Variants in MROH9 observed in about 807,000 individuals in gnomAD.
MROH9 encodes the protein maestro heat like repeat family member 9.
A neutral mutation model predicts 98.2 loss-of-function variants in MROH9; 92 were observed. The ratio of observed to expected loss-of-function variants is 0.94; its 90% confidence interval spans 0.79 to 1.11. MROH9 has a LOEUF of 1.11. Ranked by LOEUF, MROH9 falls within the 50% of genes most tolerant of loss-of-function variation. The pLI is 0.00. For synonymous variants in MROH9, 397 were observed against 368.9 expected, an observed-to-expected ratio of 1.08 and a Z score of -0.87; for missense variants, 1,057 against 1,014.8, an observed-to-expected ratio of 1.04 and a Z score of -0.57.
At chr1:170,959,153 A>T (rs1436918090) in intron 4 of MROH9, among the ~76,000 whole-genome samples, 6 of 152,062 alleles carry the variant, frequency 3.9e-5, no homozygotes, top group Non-Finnish European at 8.8e-5. Context: ...AGGCGGGCGG[A>T]TCATGAGGTC....
intron 20 of MROH9, among the ~76,000 whole-genome samples, chr1:171,027,030 G>T (rs191030509): frequency 6.6e-6 from 1 of 152,234 alleles, no homozygotes; most frequent in East Asian, 1.9e-4. Flanking sequence ...AGGAGTACAG[G>T]GTTGAGAAAT....
chr1:170,999,177 C>T (rs1651697523), intron 15 of MROH9, among the ~76,000 whole-genome samples: 1 of 137,478 alleles, frequency 7.3e-6, no homozygotes, highest in Non-Finnish European at 1.5e-5. Flanking sequence ...TCTTTTTTTT[C>T]CCCATAAGTT....
chr1:170,940,996 A>T (rs1222704529), intron 1 of MROH9, among the ~76,000 whole-genome samples: 1 of 152,188 alleles, frequency 6.6e-6, no homozygotes, highest in African/African-American at 2.4e-5. Context: ...AAATAACATC[A>T]GTTATAACAA....
At chr1:171,059,035 C>T (rs1438084380) in intron 20 of MROH9, among the ~76,000 whole-genome samples, 7 of 152,186 alleles carry the variant, frequency 4.6e-5, no homozygotes, top group Non-Finnish European at 1.0e-4. Context: ...AAGAAACTAT[C>T]ATTAGGGTGA....
intron 8 of MROH9, among the ~76,000 whole-genome samples, chr1:170,975,526 G>A (rs1188644008): frequency 6.6e-6 from 1 of 152,042 alleles, no homozygotes; most frequent in African/African-American, 2.4e-5. Context: ...TACCCATTAG[G>A]TCCTTTCTCA....
At chr1:170,950,588 A>T (rs540546508) in intron 3 of MROH9, among the ~76,000 whole-genome samples, 21 of 152,256 alleles carry the variant, frequency 1.4e-4, no homozygotes, top group African/African-American at 5.1e-4. Flanking sequence ...GATTCTGGGG[A>T]TGGAAATTAG....
At chr1:171,051,884 T>C (rs1177742781) in intron 20 of MROH9, among the ~76,000 whole-genome samples, 3 of 152,226 alleles carry the variant, frequency 2.0e-5, no homozygotes, top group Admixed American at 1.3e-4. Flanking sequence ...TAGGGAGGGT[T>C]CCCTCCTCCA....
chr1:171,024,540 T>C lies in MROH9; in HGVS notation c.2054T>C (p.Val685Ala). 6.5e-7 allele frequency: 1 copy of C among 1,529,500 alleles called. No individual in the cohort carries two copies. Among genetic ancestry groups the C allele is most frequent in the Non-Finnish European group, 8.8e-7 (1 of 1,138,204 alleles). 94.7% of individuals were successfully genotyped at this position (1,529,500 alleles called of 1,614,324 possible). Residue 685 changes from valine (V) to alanine (A), a missense_variant, in exon 18 of 22, where the codon GTA (valine) becomes GCA (alanine). By Grantham distance (64) the Val-to-Ala change is moderately conservative. Coordinates refer to ENST00000367759, the MANE Select transcript of MROH9 (RefSeq NM_001163629.2). ...ILFLEDDDKR[V>A]AEACKYTLKI... ...TTTTTGGAGGATGATGATAAAAGAG[T>C]AGCTGAAGTAAGTCATTTGATCTTC...
chr1:171,015,735 A>G (rs1187462951), intron 16 of MROH9, among the ~76,000 whole-genome samples: 1 of 152,122 alleles, frequency 6.6e-6, no homozygotes, highest in East Asian at 1.9e-4. Flanking sequence ...GTCTGAAAAT[A>G]AGGCCAATTC....
chr1:171,019,187 A>G (rs1652428745), intron 17 of MROH9, among the ~76,000 whole-genome samples: 1 of 152,250 alleles, frequency 6.6e-6, no homozygotes, highest in South Asian at 2.1e-4. Context: ...AATTACATGG[A>G]AATTGAACAA....
intron 20 of MROH9, among the ~76,000 whole-genome samples, chr1:171,028,319 C>T (rs1652794836): frequency 6.6e-6 from 1 of 152,072 alleles, no homozygotes; most frequent in African/African-American, 2.4e-5. Context: ...GCAGGTTTGT[C>T]GAAAATCAGA....
intron 8 of MROH9, 144 bp from the exon 9 acceptor site, chr1:170,983,278 G>A: frequency 1.7e-6 from 1 of 593,144 alleles, no homozygotes; most frequent in East Asian, 2.8e-5. Context: ...AATTTTATGA[G>A]ACTAAACTAT....
chr1:170,937,561 G>A (rs1391610235), intron 1 of MROH9, among the ~76,000 whole-genome samples: 4 of 123,066 alleles, frequency 3.3e-5, no homozygotes, highest in South Asian at 2.6e-4. Flanking sequence ...TCGCTCTGTC[G>A]CCCAGGCTGG....
chr1:171,037,275 G>T (rs1404321693), intron 20 of MROH9, among the ~76,000 whole-genome samples: 1 of 150,654 alleles, frequency 6.6e-6, no homozygotes, highest in East Asian at 2.0e-4. Flanking sequence ...AGAGAGGGAG[G>T]GAGAAAAAGA....
At chr1:171,014,028 A>G (rs1390778311) in intron 15 of MROH9, 89 bp from the exon 16 acceptor site, 1 of 1,083,862 alleles carries the variant, frequency 9.2e-7, no homozygotes, top group Non-Finnish European at 1.3e-6. Flanking sequence ...TTTGCATTCT[A>G]GTTTTACCTA....
intron 8 of MROH9, among the ~76,000 whole-genome samples, chr1:170,975,333 T>C (rs1483499207): frequency 6.6e-6 from 1 of 152,156 alleles, no homozygotes; most frequent in East Asian, 1.9e-4. Context: ...TCTATTATTA[T>C]AAAAAGATAT....
At chr1:170,958,305 G>C (rs567811759) in intron 3 of MROH9, among the ~76,000 whole-genome samples, 156 bp from the exon 4 acceptor site, 3 of 152,076 alleles carry the variant, frequency 2.0e-5, no homozygotes, top group Non-Finnish European at 2.9e-5. Flanking sequence ...ATTACAGTTT[G>C]GTCTCAACAC....
At chr1:170,979,888 A>G (rs188915718) in intron 8 of MROH9, among the ~76,000 whole-genome samples, 1 of 152,266 alleles carries the variant, frequency 6.6e-6, no homozygotes, top group Admixed American at 6.5e-5. Flanking sequence ...AACTTTAGCA[A>G]AATCTCAATA....
In MROH9 at chr1:170,952,553, G is replaced by C. The variant is rs1649595866; in HGVS notation, c.72+4980G>C. On this transcript the variant is annotated intron_variant, in intron 3 of 21. Transcript: ENST00000367759. The stretch of plus-strand genomic sequence containing the variant: ...CTCATAGGTGGGAATTGAACAATGA[G>C]AACACTTGGACACAGGAAGCGGAAC... Among the ~76,000 whole-genome samples, 11 of 146,266 alleles carry C rather than the reference G, an allele frequency of 7.5e-5. No individual in the cohort carries two copies. In the Admixed American group the frequency reaches 7.6e-4, roughly 10 times the overall value.
Sources: gnomAD v4.1 joint callset for allele counts (sites outside exome capture counted in the v4.1 genomes callset) on GRCh38, gnomAD v4.1.1 for gene constraint, MANE v1.5 for transcripts, NCBI Gene and HGNC (gene_info 2026-07-23, HGNC 2026-07-21) for gene names.